The following AP5M1 variants were observed in gnomAD, a reference collection of about 807,000 sequenced individuals.
AP5M1 encodes the protein adaptor related protein complex 5 subunit mu 1.
AP5M1 carries 44 observed loss-of-function variants against 52.3 expected under a neutral mutation model. The ratio of observed to expected loss-of-function variants is 0.84; its 90% CI spans 0.66 to 1.08. The LOEUF (loss-of-function observed/expected upper bound fraction) is 1.08, where lower values mean the gene tolerates loss of function less well. Ranked by LOEUF, AP5M1 falls within the 50% of genes least tolerant of loss-of-function variation. The pLI, the probability that AP5M1 is intolerant of heterozygous loss-of-function variation, is 0.00. For synonymous variants in AP5M1, 213 were observed against 199.0 expected, an observed-to-expected ratio of 1.07 and a Z score of -0.59; for missense variants, 526 against 568.4, an observed-to-expected ratio of 0.93 and a Z score of 0.76.
In AP5M1 at chr14:57,269,213, C is replaced by T; in HGVS notation, c.-102C>T. On this transcript the variant is annotated 5_prime_UTR_variant, in exon 1 of 8. Coordinates refer to ENST00000261558, the MANE Select transcript of AP5M1 (RefSeq NM_018229.4). ...CGACCGGTATGCGGCGCAGGATGAG[C>T]CTCAGGGCTTCTGTTAAGAGTCTGT... 3 of 1,130,924 alleles carry T rather than the reference C, an allele frequency of 2.7e-6. No homozygotes were observed. In the Admixed American group the frequency reaches 6.0e-5, roughly 23 times the overall value. The allele number at this position is 1,130,924 out of a possible 1,614,324, so 70.1% of individuals were successfully genotyped here.
intron 3 of AP5M1, 104 bp downstream of exon 3, chr14:57,280,526 C>T (rs1360036566): frequency 8.8e-6 from 7 of 794,544 alleles, no homozygotes; most frequent in Non-Finnish European, 1.4e-5. Flanking sequence ...AGAAAAAGTT[C>T]TATTTATCAG....
intron 4 of AP5M1, among the ~76,000 whole-genome samples, 173 bp from the exon 5 acceptor site, chr14:57,282,761 T>C (rs561172919): frequency 2.6e-5 from 4 of 152,320 alleles, no homozygotes; most frequent in African/African-American, 9.6e-5. Flanking sequence ...TGTTTATGTG[T>C]GCTTGTTGTT....
intron 1 of AP5M1, among the ~76,000 whole-genome samples, chr14:57,272,312 C>CT (rs1884914141): frequency 6.6e-6 from 1 of 152,124 alleles, no homozygotes; most frequent in South Asian, 2.1e-4. Context: ...GGCACTGACA[C>CT]TTTATAAGTG....
Position 57,269,059 on chromosome 14 carries a change from G to A in AP5M1, c.-256G>A. Reference sequence around the variant, plus strand: ...TTTAGAGGAAGAAAATACCGGAGTTGCAGGGTATAGGTAAATTTCTCAAGG... The same window carrying A: ...TTTAGAGGAAGAAAATACCGGAGTTACAGGGTATAGGTAAATTTCTCAAGG... On this transcript the variant is annotated 5_prime_UTR_variant, in exon 1 of 8. Transcript: ENST00000261558. The A allele has an allele frequency of 3.6e-6, 2 of 560,268 alleles. No individual in the cohort carries two copies. Among genetic ancestry groups the A allele is most frequent in the South Asian group, 2.4e-5 (1 of 41,922 alleles). The allele number at this position is 560,268 out of a possible 1,614,324, so 34.7% of individuals were successfully genotyped here.
rs959195679 is a variant in AP5M1 at position 57,291,859 on chromosome 14, G to A, written c.*2975G>A. The A allele has an allele frequency of 6.6e-6, 1 of 151,734 alleles. No individual in the cohort carries two copies. Among genetic ancestry groups the A allele is most frequent in the Non-Finnish European group, 1.5e-5 (1 of 67,788 alleles). The allele number at this position is 151,734 out of a possible 1,614,324, so 9.4% of individuals were successfully genotyped here. A position where few individuals can be genotyped will look rare whatever the true frequency, so the allele number is the denominator to read the frequency against. The stretch of plus-strand genomic sequence containing the variant: ...CTCCTACACTACCCCTGGGAGCTAG[G>A]TAGGTGGAATTATCATCCAGGCCTT... On this transcript the variant is annotated 3_prime_UTR_variant, in exon 8 of 8. Transcript: ENST00000261558.
chr14:57,277,165 T>A (rs1177968508), intron 2 of AP5M1, among the ~76,000 whole-genome samples: 1 of 151,612 alleles, frequency 6.6e-6, no homozygotes, highest in Non-Finnish European at 1.5e-5. Context: ...CTTTTACTTC[T>A]AAAGTTGGGT....
intron 2 of AP5M1, chr14:57,278,429 C>G (rs996902219): frequency 6.6e-6 from 1 of 152,186 alleles, no homozygotes; most frequent in African/African-American, 2.4e-5. Flanking sequence ...GCCACTTTGG[C>G]CTTAAAGTAG....
chr14:57,277,372 T>C (rs941545408), intron 2 of AP5M1, among the ~76,000 whole-genome samples: 1 of 152,208 alleles, frequency 6.6e-6, no homozygotes, highest in African/African-American at 2.4e-5. Context: ...CTGAATATTA[T>C]TAAATTTTAA....
In AP5M1 at chr14:57,274,345, T is replaced by G. The variant is rs1884966122; in HGVS notation, c.176T>G (p.Leu59Arg). 1 of 1,614,054 alleles carries G rather than the reference T, an allele frequency of 6.2e-7. No homozygotes were observed. The highest frequency in any genetic ancestry group is 1.3e-5 in the African/African-American group (1 of 74,916). Residue 59 changes from leucine (L) to arginine (R), a missense_variant, in exon 2 of 8, where the codon CTT becomes CGT. Around this residue, in one of 3 missense-constraint regions of AP5M1, gnomAD observed 425 missense variants for 430.6 expected, o/e 0.99. Transcript: ENST00000261558. ...TTTCTTAAAGCACTGCTCTTTGAAC[T>G]TAGATTATTGGATGATGATAAAGAC... ...GPFLKALLFE[L>R]RLLDDDKDFV...
intron 3 of AP5M1, among the ~76,000 whole-genome samples, chr14:57,280,882 A>G (rs897986316): frequency 6.6e-6 from 1 of 152,134 alleles, no homozygotes; most frequent in African/African-American, 2.4e-5. Context: ...TTATTTGAAT[A>G]AGATACCTCT....
intron 1 of AP5M1, among the ~76,000 whole-genome samples, chr14:57,273,995 A>G (rs1388649449): frequency 1.3e-5 from 2 of 152,220 alleles, no homozygotes; most frequent in African/African-American, 2.4e-5. Flanking sequence ...CCTAAACTAG[A>G]TAACTAAATT....
Position 57,290,375 on chromosome 14 carries a change from TC to T in AP5M1, c.*1493del, listed in dbSNP as rs568517551. Reference sequence around the variant, plus strand: ...CATAGATAATCAGCAGTGAAAACTTTCCTTTTGAAAGAAGAAAATATCATTC... The same window carrying T: ...CATAGATAATCAGCAGTGAAAACTTTCTTTTGAAAGAAGAAAATATCATTC... On this transcript the variant is annotated 3_prime_UTR_variant, in exon 8 of 8. Coordinates refer to ENST00000261558, the MANE Select transcript of AP5M1 (RefSeq NM_018229.4). 2 of 152,126 alleles carry T rather than the reference TC, an allele frequency of 1.3e-5. No homozygotes were observed. Among genetic ancestry groups the T allele is most frequent in the South Asian group, 4.1e-4 (2 of 4,828 alleles). 9.4% of individuals were successfully genotyped at this position (152,126 alleles called of 1,614,324 possible).
chr14:57,278,231 A>G (rs1885086173), intron 2 of AP5M1, among the ~76,000 whole-genome samples: 1 of 152,232 alleles, frequency 6.6e-6, no homozygotes, highest in Non-Finnish European at 1.5e-5. Context: ...TTCAAGAAGC[A>G]CTGAGGAAAT....
In AP5M1 at chr14:57,298,318, C is replaced by T. The variant is rs1307611295; in HGVS notation, c.*9434C>T. ...AAAAGTTCCAAGTGATTATTTAGAA[C>T]ATTTCCATTAACCATAAAGGCAAAG... On this transcript the variant is annotated 3_prime_UTR_variant, in exon 8 of 8. Coordinates refer to ENST00000261558, the MANE Select transcript of AP5M1 (RefSeq NM_018229.4). The T allele has an allele frequency of 1.3e-5, 2 of 152,146 alleles. No homozygotes were observed. Among genetic ancestry groups the T allele is most frequent in the African/African-American group, 4.8e-5 (2 of 41,434 alleles). 9.4% of individuals were successfully genotyped at this position (152,146 alleles called of 1,614,324 possible). A position where few individuals can be genotyped will look rare whatever the true frequency, so the allele number is the denominator to read the frequency against.
rs1302954661 is a variant in AP5M1, at chr14:57,289,533, C to A, written c.*649C>A. On this transcript the variant is annotated 3_prime_UTR_variant, in exon 8 of 8. Transcript: ENST00000261558. ...CATAATTCTACTTAAGGTGTGTAAT[C>A]TCTGTTCTAGAGTTAGTTTTTAAGT... 1 of 151,956 alleles carries A rather than the reference C, an allele frequency of 6.6e-6. No individual in the cohort carries two copies. The highest frequency in any genetic ancestry group is 1.5e-5 in the Non-Finnish European group (1 of 67,938). The allele number at this position is 151,956 out of a possible 1,614,324, so 9.4% of individuals were successfully genotyped here.
intron 6 of AP5M1, among the ~76,000 whole-genome samples, chr14:57,285,069 G>A (rs1349079991): frequency 1.3e-5 from 2 of 151,910 alleles, no homozygotes; most frequent in African/African-American, 2.4e-5. Flanking sequence ...AAAAACAAAT[G>A]AGGGAATTGA....
chr14:57,280,029 G>A (rs559657055), intron 2 of AP5M1, among the ~76,000 whole-genome samples, 166 bp from the exon 3 acceptor site: 25 of 152,294 alleles, frequency 1.6e-4, no homozygotes, highest in Non-Finnish European at 3.4e-4. Context: ...TGGCTTGGGT[G>A]TCTAAGAACA....
At position 57,288,817 on chromosome 14, in the gene AP5M1, C is replaced by A. The variant is rs925328183; in HGVS notation, c.1406C>A (p.Ser469Tyr). 6.3e-7 allele frequency: 1 copy of A among 1,585,378 alleles called. No individual in the cohort carries two copies. The highest frequency in any genetic ancestry group is 1.4e-5 in the African/African-American group (1 of 74,024). Residue 469 changes from serine to tyrosine, a missense_variant, in exon 8 of 8, where the codon TCT (serine) becomes TAT (tyrosine). Physicochemically the swap from Ser to Tyr is moderately radical, Grantham distance 144 (BLOSUM62 -2). Around this residue, in one of 3 missense-constraint regions of AP5M1, gnomAD observed 97 missense variants for 121.3 expected, o/e 0.80. Coordinates refer to ENST00000261558, the MANE Select transcript of AP5M1 (RefSeq NM_018229.4). ...PKISAHRKLI[S>Y]SDYYIWNSKA... ...TTTTCTTTAGACCGGAAACTAATTTCTTCTGATTATTACATCTGGAATTCT... is the reference window on the plus strand; with the variant it reads ...TTTTCTTTAGACCGGAAACTAATTTATTCTGATTATTACATCTGGAATTCT...
At chr14:57,278,401 G>T (rs1594701792) in intron 2 of AP5M1, 1 of 152,350 alleles carries the variant, frequency 6.6e-6, no homozygotes, top group South Asian at 2.1e-4. Context: ...GGAAAGGTCC[G>T]CAGAAGTGCA....
Sources: allele counts gnomAD v4.1 joint callset (sites outside exome capture counted in the v4.1 genomes callset), GRCh38; gene constraint gnomAD v4.1.1; regional missense constraint gnomAD v4.1.1; transcripts MANE v1.5; gene names NCBI Gene and HGNC (gene_info 2026-07-23, HGNC 2026-07-21).